The following BPI variants were observed in gnomAD, a reference collection of about 807,000 sequenced individuals.
The protein encoded by BPI is bactericidal permeability increasing protein.
In BPI, 48 loss-of-function variants were observed where a neutral mutation model predicts 57.6. That is an observed-to-expected ratio of 0.83 (90% CI 0.66 to 1.06). BPI has a LOEUF of 1.06. Ranked by LOEUF, BPI falls within the 50% of genes least tolerant of loss-of-function variation. The probability of loss-of-function intolerance (pLI) is 0.00; values close to 1 mark genes in which losing one functional copy is unlikely to be tolerated. For synonymous variants in BPI, 237 were observed against 238.2 expected, an observed-to-expected ratio of 0.99 and a Z score of 0.05; for missense variants, 651 against 609.7, an observed-to-expected ratio of 1.07 and a Z score of -0.71.
At chr20:38,334,077 C>G (rs946166125) in intron 12 of BPI, among the ~76,000 whole-genome samples, 1 of 152,210 alleles carries the variant, frequency 6.6e-6, no homozygotes, top group Non-Finnish European at 1.5e-5. Flanking sequence ...GATTTGCCCT[C>G]TTACTGCAGT....
intron 13 of BPI, among the ~76,000 whole-genome samples, 154 bp downstream of exon 13, chr20:38,334,647 G>A (rs1387507266): frequency 4.6e-5 from 7 of 152,150 alleles, no homozygotes; most frequent in Admixed American, 6.5e-5. Context: ...AGAAATGAAT[G>A]CAACAAAAAG....
intron 11 of BPI, among the ~76,000 whole-genome samples, chr20:38,328,902 A>G (rs2076727889): frequency 6.6e-6 from 1 of 151,986 alleles, no homozygotes; most frequent in Non-Finnish European, 1.5e-5. Context: ...GCTACTCGAG[A>G]GGCTGAGGTG....
intron 6 of BPI, among the ~76,000 whole-genome samples, chr20:38,319,004 G>A (rs2076667499): frequency 6.6e-6 from 1 of 152,178 alleles, no homozygotes; most frequent in South Asian, 2.1e-4. Context: ...GAAGGCCAAG[G>A]CAGGCGGACC....
chr20:38,321,223 G>C (rs1418265525), intron 7 of BPI, among the ~76,000 whole-genome samples: 1 of 139,994 alleles, frequency 7.1e-6, no homozygotes, highest in Admixed American at 7.1e-5. Context: ...GTGGGTGGAT[G>C]AATGGATGGG....
intron 11 of BPI, among the ~76,000 whole-genome samples, chr20:38,328,556 T>G (rs566298968): frequency 6.6e-6 from 1 of 151,214 alleles, no homozygotes; most frequent in Non-Finnish European, 1.5e-5. Flanking sequence ...TCTCAAAAAA[T>G]AAAAAATAAG....
chr20:38,324,749 A>G (rs1396810261), intron 8 of BPI, 25 bp from the exon 9 acceptor site: 3 of 1,593,570 alleles, frequency 1.9e-6, no homozygotes, highest in Non-Finnish European at 2.6e-6. Flanking sequence ...ATCCTCCGAG[A>G]TCCTTTTCTC....
intron 5 of BPI, among the ~76,000 whole-genome samples, chr20:38,315,293 C>A (rs75444346): frequency 0.059 from 9,051 of 152,234 alleles, 291 homozygotes; most frequent in South Asian, 0.11. Context: ...GAAGCAAGTA[C>A]TGGCCTGAAT....
At chr20:38,320,087 C>A in intron 6 of BPI, 96 bp from the exon 7 acceptor site, 1 of 1,063,908 alleles carries the variant, frequency 9.4e-7, no homozygotes, top group South Asian at 1.3e-5. Flanking sequence ...TGCACTGCAG[C>A]TCTTGATTCA....
chr20:38,307,804 T>C, intron 2 of BPI, 123 bp downstream of exon 2: 1 of 832,120 alleles, frequency 1.2e-6, no homozygotes, highest in Non-Finnish European at 1.8e-6. Flanking sequence ...AAAGCCTGCA[T>C]TTACATCATC....
At position 38,315,978 on chromosome 20, in the gene BPI, A is replaced by G. The variant is rs574855054; in HGVS notation, c.601-2435A>G. Among the ~76,000 whole-genome samples the G allele has an allele frequency of 5.3e-5, 8 of 151,906 alleles. No homozygotes were observed. In the East Asian group the frequency reaches 1.5e-3, roughly 29 times the overall value. ...CTCCCGAGTAGCTGGGATTACAGGT[A>G]TCTGCCACCATGCCTGGCTAATTTT... is the stretch of plus-strand genomic sequence containing the variant. On this transcript the variant is annotated intron_variant, in intron 5 of 14. Coordinates refer to ENST00000642449, the MANE Select transcript of BPI (RefSeq NM_001725.3).
intron 7 of BPI, among the ~76,000 whole-genome samples, chr20:38,320,841 G>A (rs981304426): frequency 3.7e-5 from 5 of 136,644 alleles, no homozygotes; most frequent in Admixed American, 2.9e-4. Context: ...GTGGATGGAT[G>A]GATGGATTAG....
chr20:38,323,873 G>C lies in BPI; in HGVS notation c.760G>C (p.Glu254Gln). 2 of 1,613,824 alleles carry C rather than the reference G, an allele frequency of 1.2e-6. No homozygotes were observed. The highest frequency in any genetic ancestry group is 1.7e-6 in the Non-Finnish European group (2 of 1,179,866). ...AETLDVQMKG[E>Q]FYSENHHNPP... The stretch of plus-strand genomic sequence containing the variant: ...ACTCTGTTGCCTCTACCCCCAGGGG[G>C]AGTTTTACAGTGAGAACCACCACAA... Residue 254 changes from glutamate (E) to glutamine (Q), a missense_variant, in exon 8 of 15, where the codon GAG becomes CAG. By Grantham distance (29) the Glu-to-Gln change is conservative (BLOSUM62 2). Transcript: ENST00000642449.
In BPI at chr20:38,331,067, C is replaced by G. The variant is rs556032825; in HGVS notation, c.1249C>G (p.His417Asp). ...KLDRLLLELK[H>D]SNIGPFPVEL... ...TCACAGGCTGCTCCTGGAACTGAAG[C>G]ACTCAAATATTGGCCCCTTCCCGGT... The change falls in exon 12 of 15, where the codon CAC becomes GAC. Residue 417 changes from histidine to aspartate, a missense_variant. Physicochemically the swap from His to Asp is moderately conservative, Grantham distance 81. Transcript: ENST00000642449. 2.1e-5 allele frequency: 34 copies of G among 1,614,114 alleles called. No homozygotes were observed. Among genetic ancestry groups the G allele is most frequent in the Non-Finnish European group, 2.8e-5 (33 of 1,180,006 alleles).
chr20:38,336,060 G>A (rs143224150), intron 14 of BPI, among the ~76,000 whole-genome samples: 3 of 152,282 alleles, frequency 2.0e-5, no homozygotes, highest in East Asian at 1.9e-4. Flanking sequence ...ACATGTGGTC[G>A]ACGTCTGGCA....
chr20:38,321,943 G>C (rs1008761187), intron 7 of BPI: 4 of 151,468 alleles, frequency 2.6e-5, no homozygotes, highest in African/African-American at 9.7e-5. Context: ...TATAGAAACA[G>C]GAAAAAATGC....
rs2076674377 is a variant in BPI, at chr20:38,320,233, C to T, written c.715C>T (p.Pro239Ser). The change falls in exon 7 of 15, where the codon CCT becomes TCT. Residue 239 changes from proline to serine, a missense_variant. Coordinates refer to ENST00000642449, the MANE Select transcript of BPI (RefSeq NM_001725.3). The stretch of plus-strand genomic sequence containing the variant: ...TGGAATCAACTATGGTCTGGTGGCA[C>T]CTCCAGCAACCACGGCTGAGACCCT... ...VAGINYGLVAPPATTAETLDV... is the reference protein window; with the variant it reads ...VAGINYGLVASPATTAETLDV... The T allele has an allele frequency of 9.3e-6, 15 of 1,614,098 alleles. No individual in the cohort carries two copies. The highest frequency in any genetic ancestry group is 1.3e-5 in the Non-Finnish European group (15 of 1,180,008).
intron 10 of BPI, among the ~76,000 whole-genome samples, chr20:38,327,129 C>T (rs537554304): frequency 6.6e-6 from 1 of 152,352 alleles, no homozygotes; most frequent in East Asian, 1.9e-4. Context: ...CACCAGGAAG[C>T]ACTTAGAGGC....
chr20:38,315,303 T>G (rs1360115354), intron 5 of BPI, among the ~76,000 whole-genome samples: 1 of 152,132 alleles, frequency 6.6e-6, no homozygotes, highest in African/African-American at 2.4e-5. Context: ...CTGGCCTGAA[T>G]GAATGAATGA....
intron 13 of BPI, among the ~76,000 whole-genome samples, chr20:38,334,728 C>G (rs985842050): frequency 6.6e-6 from 1 of 152,154 alleles, no homozygotes; most frequent in African/African-American, 2.4e-5. Flanking sequence ...TACAAAACCC[C>G]CATGAGATGA....
Sources: allele counts gnomAD v4.1 joint callset (sites outside exome capture counted in the v4.1 genomes callset), GRCh38; gene constraint gnomAD v4.1.1; transcripts MANE v1.5; gene names NCBI Gene and HGNC (gene_info 2026-07-23, HGNC 2026-07-21).